DST: variants seen among roughly 807,000 people sequenced by gnomAD.
DST encodes bullous pemphigoid antigen.
Under a neutral mutation model 875.2 loss-of-function variants are expected in DST, and 253 were observed. The observed-to-expected ratio is 0.29, with a 90% CI of 0.26 to 0.32. The LOEUF (loss-of-function observed/expected upper bound fraction) is 0.32, where lower values mean the gene tolerates loss of function less well. Among genes scored for constraint, DST ranks in the 10% least tolerant of loss-of-function variants. The pLI is 1.00. For synonymous variants in DST, 3,124 were observed against 3,197.1 expected, an observed-to-expected ratio of 0.98 and a Z score of 0.77; for missense variants, 8,287 against 9,111.6, an observed-to-expected ratio of 0.91 and a Z score of 3.68.
Position 56,593,890 on chromosome 6 carries a change from T to A in DST, c.12499A>T (p.Ile4167Phe). ...LENLEAGADDINGLMTKLKRQ... is the reference protein window; with the variant it reads ...LENLEAGADDFNGLMTKLKRQ... ...TTCAATTTGGTCATTAAACCATTGATGTCATCTGCACCTGCCTCCAGGTTT... is the reference window on the plus strand; with the variant it reads ...TTCAATTTGGTCATTAAACCATTGAAGTCATCTGCACCTGCCTCCAGGTTT... The change falls in exon 48 of 104, where the codon ATC becomes TTC. Residue 4167 changes from isoleucine to phenylalanine, a missense_variant. Physicochemically the swap from Ile to Phe is conservative, Grantham distance 21. Coordinates refer to ENST00000680361, the MANE Select transcript of DST (RefSeq NM_001374736.1). 6.2e-7 allele frequency: 1 copy of A among 1,614,018 alleles called. No homozygotes were observed. The highest frequency in any genetic ancestry group is 8.5e-7 in the Non-Finnish European group (1 of 1,179,874).
At chr6:56,574,564 C>T (rs191454454) in intron 50 of DST, among the ~76,000 whole-genome samples, 7 of 151,936 alleles carry the variant, frequency 4.6e-5, no homozygotes, top group African/African-American at 1.7e-4. Flanking sequence ...AGTTTAACAG[C>T]AGACAAAAGA....
At chr6:56,832,679 T>C (rs2099788558) in intron 4 of DST, among the ~76,000 whole-genome samples, 1 of 152,156 alleles carries the variant, frequency 6.6e-6, no homozygotes, top group South Asian at 2.1e-4. Context: ...ATTCATATTA[T>C]ATGCAAAATC....
intron 4 of DST, among the ~76,000 whole-genome samples, chr6:56,845,006 A>G (rs1411704753): frequency 9.2e-5 from 14 of 152,174 alleles, no homozygotes; most frequent in Admixed American, 9.2e-4. Flanking sequence ...CCTAACTCAT[A>G]AAGTTGTATA....
rs1279312079 is a variant in DST at position 56,601,457 on chromosome 6, G to A, written c.11527C>T (p.Leu3843Phe). The A allele has an allele frequency of 3.8e-6, 6 of 1,593,624 alleles. No individual in the cohort carries two copies. Among genetic ancestry groups the A allele is most frequent in the Non-Finnish European group, 4.3e-6 (5 of 1,169,438 alleles). Residue 3843 changes from leucine (L) to phenylalanine (F), a missense_variant, in exon 44 of 104, where the codon CTT becomes TTT. Physicochemically the swap from Leu to Phe is conservative, Grantham distance 22. Coordinates refer to ENST00000680361, the MANE Select transcript of DST (RefSeq NM_001374736.1). The part of the protein sequence containing the change: ...LETQLHLEQD[L>F]DDQKIVAERQ... The stretch of plus-strand genomic sequence containing the variant: ...GAAAGGCAAACCTTCTGATCATCAA[G>A]ATCTTGTTCTAGATGTAACTGAGTC...
At chr6:56,644,797 G>A (rs181274630) in intron 15 of DST, among the ~76,000 whole-genome samples, 21 of 152,270 alleles carry the variant, frequency 1.4e-4, no homozygotes, top group African/African-American at 4.8e-4. Flanking sequence ...GGTGTGTCTG[G>A]CCACACAGGC....
At chr6:56,597,102 T>G (rs924240072) in intron 47 of DST, among the ~76,000 whole-genome samples, 1 of 152,098 alleles carries the variant, frequency 6.6e-6, no homozygotes, top group Non-Finnish European at 1.5e-5. Context: ...TAGCCAGGCA[T>G]GGCAGCACAG....
intron 49 of DST, among the ~76,000 whole-genome samples, chr6:56,587,367 A>C (rs2098175692): frequency 6.6e-6 from 1 of 152,226 alleles, no homozygotes; most frequent in Admixed American, 6.5e-5. Flanking sequence ...GAGAAAAAAG[A>C]ATAAAAAGAA....
intron 55 of DST, 56 bp from the exon 56 acceptor site, chr6:56,562,256 A>T: frequency 8.1e-7 from 1 of 1,238,152 alleles, no homozygotes; most frequent in South Asian, 1.6e-5. Context: ...CTATACATTA[A>T]CAGTAGATGG....
intron 4 of DST, among the ~76,000 whole-genome samples, chr6:56,761,158 G>A (rs114530312): frequency 0.023 from 3,554 of 152,310 alleles, 132 homozygotes; most frequent in African/African-American, 0.081. Context: ...AGGCCCTCCT[G>A]CCCTCTGCCA....
At chr6:56,696,767 T>G (rs1483830139) in intron 9 of DST, among the ~76,000 whole-genome samples, 2 of 152,196 alleles carry the variant, frequency 1.3e-5, no homozygotes, top group Non-Finnish European at 2.9e-5. Flanking sequence ...TTATTTCTAC[T>G]TGAAATTCTC....
At chr6:56,819,882 A>C (rs1562003809) in intron 4 of DST, among the ~76,000 whole-genome samples, 1 of 152,196 alleles carries the variant, frequency 6.6e-6, no homozygotes, top group Non-Finnish European at 1.5e-5. Context: ...TTTCTTGTTG[A>C]TTTATATAAG....
intron 4 of DST, among the ~76,000 whole-genome samples, chr6:56,816,900 T>C (rs369379086): frequency 4.6e-5 from 7 of 152,196 alleles, no homozygotes; most frequent in African/African-American, 1.7e-4. Context: ...ATGTTCATAT[T>C]TATGTTTAAA....
intron 4 of DST, among the ~76,000 whole-genome samples, chr6:56,840,976 T>A (rs1306839726): frequency 6.6e-6 from 1 of 152,060 alleles, no homozygotes; most frequent in Non-Finnish European, 1.5e-5. Context: ...CTGTCAGAAA[T>A]AAAATCAAAA....
chr6:56,910,552 T>C (rs896729790), intron 2 of DST, among the ~76,000 whole-genome samples: 1 of 152,136 alleles, frequency 6.6e-6, no homozygotes, highest in Admixed American at 6.5e-5. Flanking sequence ...TGGCATGCTG[T>C]CAGCTCACTG....
intron 4 of DST, among the ~76,000 whole-genome samples, chr6:56,783,782 T>G (rs1410275484): frequency 6.6e-6 from 1 of 152,228 alleles, no homozygotes; most frequent in Non-Finnish European, 1.5e-5. Flanking sequence ...GTTAGCTGGT[T>G]ATTTTGCTCG....
At chr6:56,820,820 A>G (rs1238552667) in intron 4 of DST, among the ~76,000 whole-genome samples, 17 of 152,104 alleles carry the variant, frequency 1.1e-4, no homozygotes, top group Admixed American at 1.1e-3. Flanking sequence ...AAAAAGGATG[A>G]CAAATCTAAA....
At chr6:56,951,467 T>A (rs1048545805) in intron 2 of DST, among the ~76,000 whole-genome samples, 2 of 152,228 alleles carry the variant, frequency 1.3e-5, no homozygotes, top group African/African-American at 4.8e-5. Context: ...TTCTATTTTT[T>A]AAAATATGTT....
chr6:56,468,400 A>G (rs2094699691), intron 98 of DST, among the ~76,000 whole-genome samples: 1 of 152,220 alleles, frequency 6.6e-6, no homozygotes, highest in African/African-American at 2.4e-5. Flanking sequence ...CTCAAAAGGA[A>G]TATTACTTAA....
At chr6:56,844,914 T>C (rs573500083) in intron 4 of DST, among the ~76,000 whole-genome samples, 1 of 150,808 alleles carries the variant, frequency 6.6e-6, no homozygotes, top group African/African-American at 2.4e-5. Flanking sequence ...GTACATAGAA[T>C]CTTCACTCCT....
Sources: gnomAD v4.1 joint callset for allele counts (sites outside exome capture counted in the v4.1 genomes callset) on GRCh38, gnomAD v4.1.1 for gene constraint, MANE v1.5 for transcripts, NCBI Gene and HGNC (gene_info 2026-07-23, HGNC 2026-07-21) for gene names.